GIGYF2: variants seen among roughly 807,000 people sequenced by gnomAD.
GIGYF2 encodes GRB10-interacting GYF protein 2.
In GIGYF2, 25 loss-of-function variants were observed where a neutral mutation model predicts 208.1. The ratio of observed to expected loss-of-function variants is 0.12; its 90% CI spans 0.09 to 0.17. GIGYF2 has a LOEUF of 0.17. Ranked by LOEUF, GIGYF2 falls within the 10% of genes least tolerant of loss-of-function variation. The pLI is 1.00. For missense variants in GIGYF2, 1,302 were observed against 1,579.4 expected (o/e 0.82, Z 2.98); for synonymous variants, 534 against 543.8 (o/e 0.98, Z 0.25).
chr2:232,711,644 A>G (rs73092767), intron 2 of GIGYF2, among the ~76,000 whole-genome samples: 16,685 of 147,022 alleles, frequency 0.11, 1,302 homozygotes, highest in East Asian at 0.21. Context: ...TTCTGCATTC[A>G]GTCTGTTGCT....
chr2:232,754,432 A>G (rs1227906572), intron 5 of GIGYF2, among the ~76,000 whole-genome samples: 1 of 152,198 alleles, frequency 6.6e-6, no homozygotes, highest in East Asian at 1.9e-4. Flanking sequence ...TAGAGATTAT[A>G]CTAGTTTATA....
intron 8 of GIGYF2, among the ~76,000 whole-genome samples, chr2:232,769,999 A>T (rs1341122343): frequency 6.6e-6 from 1 of 152,152 alleles, no homozygotes. Flanking sequence ...TGCCTGTAGG[A>T]GATGCCAAAT....
chr2:232,847,211 A>G (rs1030879398), intron 26 of GIGYF2, 137 bp from the exon 27 acceptor site: 6 of 836,030 alleles, frequency 7.2e-6, no homozygotes, highest in Admixed American at 1.9e-5. Flanking sequence ...TTTAAACACA[A>G]TTGCTGCATA....
chr2:232,820,933 C>T (rs546883199), intron 21 of GIGYF2, among the ~76,000 whole-genome samples: 5 of 151,754 alleles, frequency 3.3e-5, no homozygotes, highest in Admixed American at 6.6e-5. Flanking sequence ...CCAGCTCAAG[C>T]GATTCTCGTG....
chr2:232,857,117 G>T lies in GIGYF2; in HGVS notation c.*257G>T. Reference sequence around the variant, plus strand: ...GCAGTTGGGATTACTCCCCAACAAGGCTGATTTTAGGCAGCATGTGTTCAC... The same window carrying T: ...GCAGTTGGGATTACTCCCCAACAAGTCTGATTTTAGGCAGCATGTGTTCAC... On this transcript the variant is annotated 3_prime_UTR_variant, in exon 29 of 29. Transcript: ENST00000373563. 1.8e-6 allele frequency: 1 copy of T among 552,386 alleles called. No individual in the cohort carries two copies. The highest frequency in any genetic ancestry group is 3.3e-6 in the Non-Finnish European group (1 of 307,138). 34.2% of individuals were successfully genotyped at this position (552,386 alleles called of 1,614,324 possible).
At chr2:232,808,568 C>T (rs1303115555) in intron 15 of GIGYF2, among the ~76,000 whole-genome samples, 1 of 152,164 alleles carries the variant, frequency 6.6e-6, no homozygotes, top group Admixed American at 6.5e-5. Context: ...AGCTATCCTC[C>T]AGTATCGAAA....
intron 3 of GIGYF2, among the ~76,000 whole-genome samples, chr2:232,740,005 C>T (rs1697911566): frequency 6.6e-6 from 1 of 150,536 alleles, no homozygotes; most frequent in Non-Finnish European, 1.5e-5. Context: ...GTAATCTTGG[C>T]TACTGGGGAG....
intron 3 of GIGYF2, among the ~76,000 whole-genome samples, chr2:232,738,100 A>G (rs570352133): frequency 2.0e-5 from 3 of 151,880 alleles, no homozygotes; most frequent in South Asian, 2.1e-4. Context: ...TAATTTTAGT[A>G]GAGACGGGGT....
intron 2 of GIGYF2, chr2:232,719,027 T>G (rs1696825072): frequency 6.6e-6 from 1 of 152,114 alleles, no homozygotes; most frequent in Non-Finnish European, 1.5e-5. Flanking sequence ...GAGTCTCGCT[T>G]TGTTGCCCAG....
At chr2:232,819,725 C>A in intron 20 of GIGYF2, 102 bp from the exon 21 acceptor site, 3 of 713,816 alleles carry the variant, frequency 4.2e-6, no homozygotes, top group Non-Finnish European at 7.6e-6. Context: ...TTAACAGAGT[C>A]TTAGCAGCAG....
chr2:232,789,737 G>A (rs764238001), intron 9 of GIGYF2, among the ~76,000 whole-genome samples: 1 of 152,092 alleles, frequency 6.6e-6, no homozygotes, highest in Non-Finnish European at 1.5e-5. Flanking sequence ...CACAGAGAAA[G>A]CAGTCAAGGA....
chr2:232,754,886 T>TA lies in GIGYF2; in HGVS notation c.268-1324dup, dbSNP rs1168684161. On this transcript the variant is annotated intron_variant, in intron 5 of 28. Coordinates refer to ENST00000373563, the MANE Select transcript of GIGYF2 (RefSeq NM_001103146.3). Reference sequence around the variant, plus strand: ...ATTATATGATTATATACCTATAAAGTAAAAAAAAAAAAATCTTATTTACAC... The same window carrying TA: ...ATTATATGATTATATACCTATAAAGTAAAAAAAAAAAAAATCTTATTTACAC... 8.9e-3 allele frequency among the ~76,000 whole-genome samples: 1,269 copies of TA among 143,008 alleles called. 10 individuals carry two copies. Among genetic ancestry groups the TA allele is most frequent in the African/African-American group, 0.03 (1,163 of 39,272 alleles). The allele number at this position is 143,008 out of a possible 152,430, so 93.8% of individuals were successfully genotyped here.
intron 2 of GIGYF2, among the ~76,000 whole-genome samples, chr2:232,709,270 C>G (rs1254142204): frequency 6.6e-6 from 1 of 152,194 alleles, no homozygotes; most frequent in Non-Finnish European, 1.5e-5. Context: ...TAAGTAGGCT[C>G]TCAGTGAATG....
rs1319899352 is a variant in GIGYF2 at position 232,836,282 on chromosome 2, A to ACT, written c.2766+3189_2766+3190insCT. On this transcript the variant is annotated intron_variant, in intron 22 of 28. Transcript: ENST00000373563. ...TCTCTACATATATATATATATATAT[A>ACT]TATATATATATATATATATATATAT... Among the ~76,000 whole-genome samples, 8 of 6,830 alleles carry ACT rather than the reference A, an allele frequency of 1.2e-3. 1 individual carries two copies. Among genetic ancestry groups the ACT allele is most frequent in the African/African-American group, 4.2e-3 (6 of 1,428 alleles). The allele number at this position is 6,830 out of a possible 152,430, so 4.5% of individuals were successfully genotyped here.
intron 3 of GIGYF2, 80 bp downstream of exon 3, chr2:232,735,318 T>A: frequency 1.0e-6 from 1 of 995,868 alleles, no homozygotes; most frequent in Non-Finnish European, 1.6e-6. Context: ...CTAGGTGGTT[T>A]ATAAATGTGC....
chr2:232,744,006 C>T (rs1698060031), intron 3 of GIGYF2, among the ~76,000 whole-genome samples: 1 of 152,132 alleles, frequency 6.6e-6, no homozygotes, highest in African/African-American at 2.4e-5. Flanking sequence ...CCACCATGCT[C>T]TGCTAATTTT....
chr2:232,710,180 C>T (rs1418452458), intron 2 of GIGYF2, among the ~76,000 whole-genome samples: 4 of 151,806 alleles, frequency 2.6e-5, no homozygotes, highest in Admixed American at 1.3e-4. Flanking sequence ...AGGATGGTCT[C>T]GATCTCCTGA....
intron 21 of GIGYF2, among the ~76,000 whole-genome samples, chr2:232,827,535 A>G (rs917304074): frequency 1.3e-5 from 2 of 152,204 alleles, no homozygotes; most frequent in African/African-American, 2.4e-5. Context: ...CAATGGCACA[A>G]TTTTATTCAT....
chr2:232,785,635 G>T (rs1017124200), intron 8 of GIGYF2, among the ~76,000 whole-genome samples: 4 of 152,138 alleles, frequency 2.6e-5, no homozygotes, highest in African/African-American at 9.7e-5. Context: ...CAGCAGTCAG[G>T]GATTGTTGGT....
Sources: gnomAD v4.1 joint callset for allele counts (sites outside exome capture counted in the v4.1 genomes callset) on GRCh38, gnomAD v4.1.1 for gene constraint, MANE v1.5 for transcripts, NCBI Gene and HGNC (gene_info 2026-07-23, HGNC 2026-07-21) for gene names.